Variants in MGAT4C observed in about 807,000 individuals in gnomAD.
MGAT4C encodes alpha-1,3-mannosyl-glycoprotein 4-beta-N-acetylglucosaminyltransferase C.
MGAT4C carries 19 observed loss-of-function variants against 40.1 expected under a neutral mutation model. That is an observed-to-expected ratio of 0.47 (90% CI 0.33 to 0.70). MGAT4C has a LOEUF of 0.70. Ranked by LOEUF, MGAT4C falls within the 30% of genes least tolerant of loss-of-function variation. MGAT4C has a pLI of 0.02. For missense variants in MGAT4C, 491 were observed against 563.2 expected, an observed-to-expected ratio of 0.87 and a Z score of 1.30; for synonymous variants, 181 against 187.1, an observed-to-expected ratio of 0.97 and a Z score of 0.27.
intron 1 of MGAT4C, among the ~76,000 whole-genome samples, chr12:86,103,481 G>C (rs964671850): frequency 1.3e-5 from 2 of 152,158 alleles, no homozygotes; most frequent in Non-Finnish European, 2.9e-5. Flanking sequence ...ACTACCAGAA[G>C]CTGGAAGAGG....
chr12:86,577,001 G>A (rs953794022), intron 2 of MGAT4C, among the ~76,000 whole-genome samples: 40 of 151,540 alleles, frequency 2.6e-4, no homozygotes, highest in African/African-American at 9.2e-4. Context: ...TTTCATCAGT[G>A]TTTTATGGTT....
At chr12:86,251,133 T>A (rs1217307209) in intron 1 of MGAT4C, among the ~76,000 whole-genome samples, 2 of 5,522 alleles carry the variant, frequency 3.6e-4, no homozygotes, top group Non-Finnish European at 5.1e-4. Flanking sequence ...TATTTCCCGT[T>A]TTTTTTTTTT....
chr12:86,743,274 T>C (rs1951102546), intron 1 of MGAT4C, among the ~76,000 whole-genome samples: 1 of 151,592 alleles, frequency 6.6e-6, no homozygotes, highest in Non-Finnish European at 1.5e-5. Flanking sequence ...ACTGTGTAAC[T>C]TTAAAACTTT....
At position 85,976,699 on chromosome 12, in the gene MGAT4C, G is replaced by T. The variant is rs1428410269; in HGVS notation, c.*2590C>A. On this transcript the variant is annotated 3_prime_UTR_variant, in exon 5 of 5. Coordinates refer to ENST00000611864, the MANE Select transcript of MGAT4C (RefSeq NM_001351288.2). ...ATATATGTATATATGTATTATATAT[G>T]TATATATATATAAACTTACAGCAAA... 3 of 145,926 alleles carry T rather than the reference G, an allele frequency of 2.1e-5. No homozygotes were observed. Among genetic ancestry groups the T allele is most frequent in the Non-Finnish European group, 4.5e-5 (3 of 66,104 alleles). 9.0% of individuals were successfully genotyped at this position (145,926 alleles called of 1,614,324 possible). A position where few individuals can be genotyped will look rare whatever the true frequency, so the allele number is the denominator to read the frequency against.
intron 1 of MGAT4C, among the ~76,000 whole-genome samples, chr12:86,091,773 C>A (rs761398619): frequency 6.6e-6 from 1 of 151,998 alleles, no homozygotes; most frequent in Non-Finnish European, 1.5e-5. Flanking sequence ...CGATGGAGAG[C>A]CCTTGAAGTA....
At chr12:86,045,456 A>C (rs888755732) in intron 2 of MGAT4C, among the ~76,000 whole-genome samples, 1 of 152,196 alleles carries the variant, frequency 6.6e-6, no homozygotes, top group African/African-American at 2.4e-5. Context: ...ATCCAGAGGA[A>C]AGGGAGCCAA....
Position 85,970,497 on chromosome 12 carries a change from T to A in MGAT4C, c.*8792A>T, listed in dbSNP as rs903096133. ...CTTATGCTAACTTAAAACTTGTGAA[T>A]GTTTAGTGTTATCCAGCTATAATTC... On this transcript the variant is annotated 3_prime_UTR_variant, in exon 5 of 5. Transcript: ENST00000611864. 6.6e-6 allele frequency: 1 copy of A among 151,364 alleles called. No individual in the cohort carries two copies. Among genetic ancestry groups the A allele is most frequent in the African/African-American group, 2.4e-5 (1 of 41,378 alleles). The allele number at this position is 151,364 out of a possible 1,614,324, so 9.4% of individuals were successfully genotyped here.
intron 2 of MGAT4C, chr12:86,001,663 T>C: frequency 1.0e-6 from 1 of 981,748 alleles, no homozygotes; most frequent in Non-Finnish European, 1.2e-6. Flanking sequence ...TTGTAAGAAG[T>C]TGGTATAGTC....
intron 1 of MGAT4C, among the ~76,000 whole-genome samples, chr12:86,079,914 A>C (rs1262427188): frequency 6.6e-6 from 1 of 152,042 alleles, no homozygotes; most frequent in Non-Finnish European, 1.5e-5. Flanking sequence ...TGCTCATTGA[A>C]ATGATTAACT....
chr12:86,387,163 T>G, intron 3 of MGAT4C, among the ~76,000 whole-genome samples: 1 of 152,288 alleles, frequency 6.6e-6, no homozygotes, highest in Non-Finnish European at 1.5e-5. Flanking sequence ...TCTGAATTAA[T>G]TCCTTTATGT....
At chr12:86,120,625 A>T (rs967918786) in intron 1 of MGAT4C, among the ~76,000 whole-genome samples, 2 of 152,208 alleles carry the variant, frequency 1.3e-5, no homozygotes, top group African/African-American at 4.8e-5. Context: ...ACCCTGGGAA[A>T]CAGGGTCTGG....
rs1213888702 is a variant in MGAT4C, at chr12:86,008,700, C to T, written c.-6-19148G>A. Among the ~76,000 whole-genome samples the T allele has an allele frequency of 2.6e-5, 4 of 151,988 alleles. No homozygotes were observed. In the East Asian group the frequency reaches 5.8e-4, roughly 22 times the overall value. On this transcript the variant is annotated intron_variant, in intron 2 of 4. Coordinates refer to ENST00000611864, the MANE Select transcript of MGAT4C (RefSeq NM_001351288.2). ...CTTTGTTATGATGTTAGGAAGAAAG[C>T]GTTAAGTATTTCAATGTAAGGTATG... is the stretch of plus-strand genomic sequence containing the variant.
intron 1 of MGAT4C, among the ~76,000 whole-genome samples, chr12:86,832,144 A>G (rs1952941727): frequency 6.6e-6 from 1 of 151,810 alleles, no homozygotes. Context: ...CCAGGAATTT[A>G]CACAACATCA....
At chr12:86,014,172 C>T (rs545585051) in intron 2 of MGAT4C, among the ~76,000 whole-genome samples, 1 of 152,240 alleles carries the variant, frequency 6.6e-6, no homozygotes, top group African/African-American at 2.4e-5. Context: ...CACAATGTTT[C>T]CTGTTGAGTT....
At chr12:86,740,083 A>C (rs1434514843) in intron 1 of MGAT4C, among the ~76,000 whole-genome samples, 3 of 151,110 alleles carry the variant, frequency 2.0e-5, no homozygotes, top group Non-Finnish European at 4.5e-5. Flanking sequence ...AGATACTTGA[A>C]GCAAAATGTT....
chr12:86,655,124 T>G (rs1963811462), intron 2 of MGAT4C, among the ~76,000 whole-genome samples: 1 of 151,970 alleles, frequency 6.6e-6, no homozygotes, highest in African/African-American at 2.4e-5. Flanking sequence ...GCCATGTTGG[T>G]TTGCTGCACC....
intron 2 of MGAT4C, among the ~76,000 whole-genome samples, chr12:86,007,962 A>C (rs1277832867): frequency 6.6e-6 from 1 of 152,024 alleles, no homozygotes; most frequent in East Asian, 1.9e-4. Flanking sequence ...GCCTTTGTTG[A>C]AAATCAGTTG....
intron 2 of MGAT4C, among the ~76,000 whole-genome samples, chr12:86,628,478 G>A (rs919403519): frequency 1.4e-4 from 21 of 144,888 alleles, no homozygotes; most frequent in African/African-American, 4.9e-4. Flanking sequence ...AGGAAAAAAT[G>A]TTAAGGGTAG....
chr12:86,333,622 G>A (rs1954722227), intron 4 of MGAT4C, among the ~76,000 whole-genome samples: 1 of 152,098 alleles, frequency 6.6e-6, no homozygotes, highest in South Asian at 2.1e-4. Flanking sequence ...TTAACTGATA[G>A]CTTATTCTGT....
Sources: gnomAD v4.1 joint callset for allele counts (sites outside exome capture counted in the v4.1 genomes callset) on GRCh38, gnomAD v4.1.1 for gene constraint, MANE v1.5 for transcripts, NCBI Gene and HGNC (gene_info 2026-07-23, HGNC 2026-07-21) for gene names.